PPFIA2: variants seen among roughly 807,000 people sequenced by gnomAD.
PPFIA2 encodes liprin-alpha-2.
Under a neutral mutation model 175.5 loss-of-function variants are expected in PPFIA2, and 46 were observed. The observed-to-expected ratio is 0.26, with a 90% CI of 0.21 to 0.34. PPFIA2 has a LOEUF of 0.34. Among genes scored for constraint, PPFIA2 ranks in the 10% least tolerant of loss-of-function variants. PPFIA2 has a pLI of 1.00. For missense variants in PPFIA2, 1,179 were observed against 1,506.1 expected (o/e 0.78, Z 3.60); for synonymous variants, 568 against 511.4 (o/e 1.11, Z -1.49).
chr12:81,675,861 A>C (rs954627922), intron 4 of PPFIA2, among the ~76,000 whole-genome samples: 4 of 152,114 alleles, frequency 2.6e-5, no homozygotes, highest in African/African-American at 7.2e-5. Flanking sequence ...TATGATAAAA[A>C]TAAAAAGAAG....
At chr12:81,483,805 A>G (rs1044959415) in intron 4 of PPFIA2, among the ~76,000 whole-genome samples, 4 of 152,116 alleles carry the variant, frequency 2.6e-5, no homozygotes, top group African/African-American at 4.8e-5. Context: ...TTTCAATTCT[A>G]TAAGATATAT....
At chr12:81,754,584 A>G (rs923806124) in intron 2 of PPFIA2, among the ~76,000 whole-genome samples, 3 of 152,160 alleles carry the variant, frequency 2.0e-5, no homozygotes, top group Non-Finnish European at 4.4e-5. Flanking sequence ...CAAGTTTACA[A>G]ATCTCTTACA....
chr12:81,437,110 G>T (rs370057799), intron 7 of PPFIA2, among the ~76,000 whole-genome samples: 2 of 152,108 alleles, frequency 1.3e-5, no homozygotes, highest in African/African-American at 4.8e-5. Context: ...TAATACTCGA[G>T]GGATAAAACT....
At chr12:81,621,349 G>C (rs1306373358) in intron 4 of PPFIA2, among the ~76,000 whole-genome samples, 2 of 152,210 alleles carry the variant, frequency 1.3e-5, no homozygotes. Flanking sequence ...GATATAACAA[G>C]AATCCACATT....
chr12:81,310,483 A>G (rs1594555019), intron 22 of PPFIA2, among the ~76,000 whole-genome samples: 1 of 152,154 alleles, frequency 6.6e-6, no homozygotes. Flanking sequence ...GTCCATTAAT[A>G]AGAATGCATC....
chr12:81,709,737 T>C lies in PPFIA2; in HGVS notation c.250-32893A>G, dbSNP rs182651845. Among the ~76,000 whole-genome samples, 3 of 152,244 alleles carry C rather than the reference T, an allele frequency of 2.0e-5. No homozygotes were observed. In the East Asian group the frequency reaches 5.8e-4, roughly 29 times the overall value. ...ACACTAGATTATCAAATCTCCTGTG[T>C]TGAATACTTATATTAGCACCATACT... On this transcript the variant is annotated intron_variant, in intron 3 of 32. Coordinates refer to ENST00000549396, the MANE Select transcript of PPFIA2 (RefSeq NM_003625.5).
Position 81,754,154 on chromosome 12 carries a change from C to T in PPFIA2, c.68G>A (p.Ser23Asn). Residue 23 changes from serine (S) to asparagine (N), a missense_variant, in exon 3 of 33, where the codon AGT becomes AAT. Ser to Asn is a conservative substitution (Grantham distance 46). Transcript: ENST00000549396. ...AAAATGGGAGTCTGAGTCCGAGCCA[C>T]TGCTTTGGGACCCCCTTTGGCTCAT... is the stretch of plus-strand genomic sequence containing the variant. ...TPMSQRGSQS[S>N]GSDSDSHFEQ... 6.2e-7 allele frequency: 1 copy of T among 1,613,130 alleles called. No individual in the cohort carries two copies. Among genetic ancestry groups the T allele is most frequent in the South Asian group, 1.1e-5 (1 of 90,824 alleles).
At chr12:81,341,831 T>C (rs2058144924) in intron 19 of PPFIA2, among the ~76,000 whole-genome samples, 1 of 152,124 alleles carries the variant, frequency 6.6e-6, no homozygotes, top group African/African-American at 2.4e-5. Context: ...GCATTATACA[T>C]ACTCAGGCTA....
intron 14 of PPFIA2, among the ~76,000 whole-genome samples, chr12:81,365,165 A>G (rs2032739982): frequency 6.6e-6 from 1 of 151,860 alleles, no homozygotes. Flanking sequence ...AAAGCTACCT[A>G]GAAACTTCAA....
chr12:81,706,312 T>C (rs1596585458), intron 3 of PPFIA2, among the ~76,000 whole-genome samples: 1 of 152,216 alleles, frequency 6.6e-6, no homozygotes, highest in African/African-American at 2.4e-5. Context: ...CTTTTAAAAA[T>C]ATGGTTCCAT....
chr12:81,300,993 T>C (rs74103950), intron 22 of PPFIA2, among the ~76,000 whole-genome samples: 7 of 146,072 alleles, frequency 4.8e-5, no homozygotes, highest in African/African-American at 2.0e-4. Context: ...CAATACAATA[T>C]AATACAATAC....
chr12:81,638,461 G>A (rs1221700728), intron 4 of PPFIA2, among the ~76,000 whole-genome samples: 1 of 151,822 alleles, frequency 6.6e-6, no homozygotes, highest in Non-Finnish European at 1.5e-5. Context: ...AATTATTATA[G>A]CTACAAAGAG....
rs932941880 is a variant in PPFIA2 at position 81,271,625 on chromosome 12, A to G, written c.3311-3538T>C. On this transcript the variant is annotated intron_variant, in intron 28 of 32. Coordinates refer to ENST00000549396, the MANE Select transcript of PPFIA2 (RefSeq NM_003625.5). ...TTATTATTTTAGTAGTGACACTTAA[A>G]GCTTATAATATGTGTTCTTATTAGA... 4.6e-5 allele frequency among the ~76,000 whole-genome samples: 7 copies of G among 152,274 alleles called. 1 individual carries two copies. In the South Asian group the frequency reaches 1.2e-3, roughly 27 times the overall value.
intron 4 of PPFIA2, among the ~76,000 whole-genome samples, chr12:81,527,304 T>C (rs2063839615): frequency 1.3e-5 from 2 of 152,086 alleles, no homozygotes; most frequent in Admixed American, 6.6e-5. Context: ...ATATTATTAA[T>C]ACTCTCATCT....
At chr12:81,493,785 T>C (rs1038178515) in intron 4 of PPFIA2, among the ~76,000 whole-genome samples, 23 of 136,878 alleles carry the variant, frequency 1.7e-4, no homozygotes, top group Middle Eastern at 7.3e-3. Context: ...TATATATATA[T>C]ATACACATTG....
At chr12:81,315,466 G>GT in intron 22 of PPFIA2, among the ~76,000 whole-genome samples, 1 of 151,746 alleles carries the variant, frequency 6.6e-6, no homozygotes, top group African/African-American at 2.4e-5. Flanking sequence ...AAACAGAAAG[G>GT]TGATAATGCA....
At chr12:81,620,029 G>C (rs947239105) in intron 4 of PPFIA2, among the ~76,000 whole-genome samples, 2 of 151,654 alleles carry the variant, frequency 1.3e-5, no homozygotes, top group Non-Finnish European at 2.9e-5. Context: ...GCGTGATGGC[G>C]GGTGCCTGTA....
At chr12:81,660,305 A>T (rs2068584189) in intron 4 of PPFIA2, among the ~76,000 whole-genome samples, 1 of 152,152 alleles carries the variant, frequency 6.6e-6, no homozygotes, top group African/African-American at 2.4e-5. Context: ...TTGAAAAAAG[A>T]TTAGATGAAT....
chr12:81,575,884 T>C lies in PPFIA2; in HGVS notation c.303+100907A>G, dbSNP rs560828124. Among the ~76,000 whole-genome samples the C allele has an allele frequency of 2.0e-5, 3 of 151,870 alleles. No homozygotes were observed. The South Asian group carries it at 6.2e-4, about 32-fold the overall frequency. ...CACAGAAGCTGCAAGTTGACAAAGGTCCATACTCCTTCTCTTTTGTTTCTG... is the reference window on the plus strand; with the variant it reads ...CACAGAAGCTGCAAGTTGACAAAGGCCCATACTCCTTCTCTTTTGTTTCTG... On this transcript the variant is annotated intron_variant, in intron 4 of 32. Transcript: ENST00000549396.
Sources: allele counts gnomAD v4.1 joint callset (sites outside exome capture counted in the v4.1 genomes callset), GRCh38; gene constraint gnomAD v4.1.1; transcripts MANE v1.5; gene names NCBI Gene and HGNC (gene_info 2026-07-23, HGNC 2026-07-21).